TMTC2: variants seen among roughly 807,000 people sequenced by gnomAD.
TMTC2 encodes protein O-mannosyl-transferase TMTC2.
TMTC2 carries 43 observed loss-of-function variants against 82.4 expected under a neutral mutation model. The observed-to-expected ratio is 0.52, with a 90% CI of 0.41 to 0.67. The LOEUF (loss-of-function observed/expected upper bound fraction) is 0.67, where lower values mean the gene tolerates loss of function less well. Among genes scored for constraint, TMTC2 ranks in the 30% least tolerant of loss-of-function variants. The probability of loss-of-function intolerance (pLI) is 0.00; values close to 1 mark genes in which losing one functional copy is unlikely to be tolerated. For missense variants in TMTC2, 919 were observed against 1,012.4 expected (o/e 0.91, Z 1.25); for synonymous variants, 408 against 381.9 (o/e 1.07, Z -0.80).
chr12:82,878,086 T>G (rs954486673), intron 2 of TMTC2, among the ~76,000 whole-genome samples: 1 of 152,376 alleles, frequency 6.6e-6, no homozygotes, highest in South Asian at 2.1e-4. Context: ...TTCATTGTTC[T>G]TTTGTTCATT....
intron 1 of TMTC2, among the ~76,000 whole-genome samples, chr12:82,838,037 G>A (rs546020270): frequency 1.3e-5 from 2 of 152,302 alleles, no homozygotes; most frequent in East Asian, 3.9e-4. Flanking sequence ...AACACATAAT[G>A]TATATAAAAA....
At chr12:83,027,116 C>T (rs1881217148) in intron 8 of TMTC2, among the ~76,000 whole-genome samples, 1 of 151,832 alleles carries the variant, frequency 6.6e-6, no homozygotes, top group Non-Finnish European at 1.5e-5. Context: ...TGAACCAGTA[C>T]ATGTGTTCAG....
intron 8 of TMTC2, among the ~76,000 whole-genome samples, chr12:82,994,809 C>G (rs1696669220): frequency 6.6e-6 from 1 of 152,142 alleles, no homozygotes; most frequent in Non-Finnish European, 1.5e-5. Flanking sequence ...GTCTACCATA[C>G]TAGTGACTGG....
intron 1 of TMTC2, among the ~76,000 whole-genome samples, chr12:82,710,544 C>T (rs962221242): frequency 4.6e-5 from 7 of 152,158 alleles, no homozygotes; most frequent in East Asian, 1.9e-4. Flanking sequence ...TGGATACTTA[C>T]GTGAAGGTCT....
chr12:82,837,150 C>A (rs903773908), intron 1 of TMTC2, among the ~76,000 whole-genome samples: 1 of 152,134 alleles, frequency 6.6e-6, no homozygotes, highest in Non-Finnish European at 1.5e-5. Flanking sequence ...ACATATGGTC[C>A]ACTTTGTCAT....
chr12:82,714,779 G>C (rs536984913), intron 1 of TMTC2, among the ~76,000 whole-genome samples: 125 of 152,214 alleles, frequency 8.2e-4, no homozygotes, highest in African/African-American at 2.8e-3. Flanking sequence ...AAAAGTCAGT[G>C]GGGGTTTCCT....
At chr12:82,931,606 T>C (rs900207692) in intron 4 of TMTC2, among the ~76,000 whole-genome samples, 2 of 152,186 alleles carry the variant, frequency 1.3e-5, no homozygotes, top group African/African-American at 4.8e-5. Flanking sequence ...TAACTGGAAA[T>C]TCCTGGGTTG....
intron 1 of TMTC2, among the ~76,000 whole-genome samples, chr12:82,736,234 C>T (rs1005645155): frequency 1.3e-5 from 2 of 152,062 alleles, no homozygotes; most frequent in African/African-American, 4.8e-5. Flanking sequence ...TTTAGGTTAA[C>T]ATCCTAGCAT....
intron 1 of TMTC2, among the ~76,000 whole-genome samples, chr12:82,786,499 A>T (rs1258897079): frequency 1.3e-5 from 2 of 152,140 alleles, no homozygotes; most frequent in Non-Finnish European, 2.9e-5. Context: ...TCCAATTTGT[A>T]CTTTGAAAAT....
chr12:83,022,540 A>G (rs539849494), intron 8 of TMTC2, among the ~76,000 whole-genome samples: 1 of 152,258 alleles, frequency 6.6e-6, no homozygotes, highest in East Asian at 1.9e-4. Context: ...CGAGCCTATC[A>G]CATAGCAGGA....
chr12:82,969,159 A>G (rs1055300956), intron 7 of TMTC2, among the ~76,000 whole-genome samples: 5 of 152,170 alleles, frequency 3.3e-5, no homozygotes, highest in Non-Finnish European at 7.4e-5. Context: ...AAGCTGCCCT[A>G]TCAGTTCATC....
intron 1 of TMTC2, among the ~76,000 whole-genome samples, chr12:82,821,896 A>G (rs1191999152): frequency 6.6e-6 from 1 of 151,902 alleles, no homozygotes; most frequent in Admixed American, 6.6e-5. Context: ...CTCAAAAAAA[A>G]AAAAAAAAAA....
chr12:82,991,883 C>T, intron 8 of TMTC2, among the ~76,000 whole-genome samples: 1 of 151,958 alleles, frequency 6.6e-6, no homozygotes, highest in Non-Finnish European at 1.5e-5. Flanking sequence ...TCTTTTTGTC[C>T]TTTTTATTTA....
chr12:82,876,506 T>G (rs964112052), intron 2 of TMTC2, among the ~76,000 whole-genome samples: 2 of 152,180 alleles, frequency 1.3e-5, no homozygotes, highest in African/African-American at 2.4e-5. Context: ...ACCATTGGAT[T>G]TATTGGTTCA....
intron 8 of TMTC2, among the ~76,000 whole-genome samples, chr12:83,025,216 A>T (rs12814294): frequency 1.4e-4 from 21 of 151,552 alleles, no homozygotes; most frequent in Non-Finnish European, 2.4e-4. Flanking sequence ...AAAAAAGAAA[A>T]GAAAAGAAAT....
intron 2 of TMTC2, among the ~76,000 whole-genome samples, chr12:82,878,685 T>C (rs777712881): frequency 2.6e-5 from 4 of 152,154 alleles, no homozygotes; most frequent in Non-Finnish European, 5.9e-5. Flanking sequence ...CATTGGAATC[T>C]AAATGTTCTT....
At chr12:82,957,629 C>G (rs1877685406) in intron 4 of TMTC2, among the ~76,000 whole-genome samples, 1 of 151,540 alleles carries the variant, frequency 6.6e-6, no homozygotes, top group Admixed American at 6.6e-5. Flanking sequence ...AGACCACTAT[C>G]AAGATTAACA....
rs1884716146 is a variant in TMTC2, at chr12:83,115,251, G to C, written c.2332-16959G>C. ...CCCCTTCATGCTAAAAACAAACAAA[G>C]TGTAGAATGAATTACGTTGCTTAAA... On this transcript the variant is annotated intron_variant, in intron 11 of 11. Transcript: ENST00000321196. Among the ~76,000 whole-genome samples, 7 of 152,156 alleles carry C rather than the reference G, an allele frequency of 4.6e-5. 1 individual carries two copies. The South Asian group carries it at 1.5e-3, about 32-fold the overall frequency.
intron 1 of TMTC2, among the ~76,000 whole-genome samples, chr12:82,694,521 T>C (rs1166516332): frequency 6.6e-6 from 1 of 152,216 alleles, no homozygotes; most frequent in Non-Finnish European, 1.5e-5. Context: ...AAAGCTTTTG[T>C]TTCTTAATTT....
Sources: allele counts gnomAD v4.1 joint callset (sites outside exome capture counted in the v4.1 genomes callset), GRCh38; gene constraint gnomAD v4.1.1; transcripts MANE v1.5; gene names NCBI Gene and HGNC (gene_info 2026-07-23, HGNC 2026-07-21).